The following OCRL variants were observed in gnomAD, a reference collection of about 807,000 sequenced individuals.
OCRL encodes the protein inositol polyphosphate 5-phosphatase OCRL.
A neutral mutation model predicts 78.9 loss-of-function variants in OCRL; 8 were observed. The ratio of observed to expected loss-of-function variants is 0.10; its 90% CI spans 0.06 to 0.18. The LOEUF is 0.18. Ranked by LOEUF, OCRL falls within the 10% of genes least tolerant of loss-of-function variation. The pLI is 1.00. For synonymous variants in OCRL, 240 were observed against 235.4 expected, an observed-to-expected ratio of 1.02 and a Z score of -0.18; for missense variants, 454 against 696.7, an observed-to-expected ratio of 0.65 and a Z score of 3.92.
intron 12 of OCRL, among the ~76,000 whole-genome samples, chrX:129,564,289 C>A (rs1162404535): frequency 7.3e-5 from 8 of 109,443 alleles, no homozygotes; most frequent in Non-Finnish European, 1.9e-5. Flanking sequence ...TAAACTAGTT[C>A]AACCCTTGTG....
At chrX:129,589,978 C>A (rs1166363141) in intron 23 of OCRL, 22 bp downstream of exon 23, 3 of 1,152,766 alleles carry the variant, frequency 2.6e-6, no homozygotes, top group Non-Finnish European at 3.6e-6. Context: ...TCATGCAACA[C>A]GGGGCGTTTG....
chrX:129,560,266 G>A (rs759209270), intron 8 of OCRL, among the ~76,000 whole-genome samples: 1 of 112,320 alleles, frequency 8.9e-6, no homozygotes, highest in African/African-American at 3.2e-5. Context: ...TTTGGATGGA[G>A]CTTAATTGAA....
At chrX:129,573,356 T>A (rs1442575089) in intron 15 of OCRL, among the ~76,000 whole-genome samples, 1 of 111,579 alleles carries the variant, frequency 9.0e-6, no homozygotes, top group East Asian at 2.8e-4. Flanking sequence ...GCATTAGCTA[T>A]TTAACCTTAA....
chrX:129,586,896 G>A, intron 19 of OCRL, 106 bp from the exon 20 acceptor site: 1 of 592,407 alleles, frequency 1.7e-6, no homozygotes, highest in African/African-American at 2.2e-5. Context: ...CTTAAGAGAT[G>A]AAGATCACAT....
intron 14 of OCRL, 67 bp downstream of exon 14, chrX:129,567,430 G>A: frequency 1.3e-6 from 1 of 791,777 alleles, no homozygotes; most frequent in South Asian, 2.2e-5. Context: ...CCTCCATATT[G>A]GTAAGGGGCT....
chrX:129,576,141 C>T, intron 17 of OCRL, 79 bp downstream of exon 17: 1 of 1,038,815 alleles, frequency 9.6e-7, no homozygotes, highest in South Asian at 1.9e-5. Flanking sequence ...TGTTTTCTAA[C>T]CACATGTCTC....
At chrX:129,568,931 A>G (rs1383363952) in intron 14 of OCRL, among the ~76,000 whole-genome samples, 2 of 112,883 alleles carry the variant, frequency 1.8e-5, no homozygotes, top group East Asian at 5.5e-4. Flanking sequence ...GGATATTTTA[A>G]GAACGTGCTA....
chrX:129,560,705 A>T, intron 9 of OCRL, 54 bp downstream of exon 9: 3 of 860,351 alleles, frequency 3.5e-6, no homozygotes, highest in Non-Finnish European at 5.2e-6. Context: ...GTTCATTTAC[A>T]TGATGTTTTG....
intron 15 of OCRL, among the ~76,000 whole-genome samples, chrX:129,571,635 C>A (rs769400554): frequency 4.5e-5 from 5 of 110,708 alleles, no homozygotes; most frequent in Admixed American, 3.8e-4. Flanking sequence ...CGCAGCCAAC[C>A]TTGGGATGTT....
In OCRL at chrX:129,560,605, C is replaced by T. The variant is rs766199686; in HGVS notation, c.778C>T (p.Pro260Ser). 3.3e-6 allele frequency: 4 copies of T among 1,203,160 alleles called. No homozygotes were observed. The highest frequency in any genetic ancestry group is 4.4e-5 in the Admixed American group (2 of 45,735). ...CCAGTCTCCAGATAGCGGGTTAGAA[C>T]CTTGGCTGAACTGTGATCCCAATCC... Reference protein sequence around the residue: ...NGQSPDSGLEPWLNCDPNPPD... With the variant: ...NGQSPDSGLESWLNCDPNPPD... The change falls in exon 9 of 24, where the codon CCT becomes TCT. Residue 260 changes from proline (P) to serine (S), a missense_variant. This residue lies in a region of OCRL where 277 missense variants were observed against 517.1 expected (regional missense o/e 0.54). Transcript: ENST00000371113.
intron 18 of OCRL, among the ~76,000 whole-genome samples, chrX:129,577,622 G>A (rs1158894832): frequency 9.0e-6 from 1 of 111,549 alleles, no homozygotes; most frequent in Non-Finnish European, 1.9e-5. Flanking sequence ...GCTTGTCTGA[G>A]TCCGATCTGT....
intron 4 of OCRL, among the ~76,000 whole-genome samples, chrX:129,554,103 G>A (rs1213934539): frequency 1.8e-5 from 2 of 108,782 alleles, no homozygotes; most frequent in Non-Finnish European, 3.8e-5. Context: ...AGGGGCTGAC[G>A]GATAGTAAGA....
In OCRL at chrX:129,566,588, G is replaced by T. The variant is rs1172334954; in HGVS notation, c.1357-666G>T. ...CTAAAAGTGAATGCTTCTTATTGAGGGAGGAAAATGTTTTGACTTCATTCG... is the reference window on the plus strand; with the variant it reads ...CTAAAAGTGAATGCTTCTTATTGAGTGAGGAAAATGTTTTGACTTCATTCG... On this transcript the variant is annotated intron_variant, in intron 13 of 23. Transcript: ENST00000371113. Among the ~76,000 whole-genome samples, 14 of 112,245 alleles carry T rather than the reference G, an allele frequency of 1.2e-4. No homozygotes were observed. In the Admixed American group the frequency reaches 1.3e-3, roughly 11 times the overall value.
At chrX:129,542,715 CAT>C (rs1935826330) in intron 2 of OCRL, among the ~76,000 whole-genome samples, 1 of 111,617 alleles carries the variant, frequency 9.0e-6, no homozygotes, top group Admixed American at 9.6e-5. Flanking sequence ...TCCTATGTAA[CAT>C]GTCTCAGAAT....
Position 129,540,287 on chromosome X carries a change from G to A in OCRL, c.-153G>A. 2 of 604,772 alleles carry A rather than the reference G, an allele frequency of 3.3e-6. No individual in the cohort carries two copies. Among genetic ancestry groups the A allele is most frequent in the Non-Finnish European group, 5.3e-6 (2 of 379,646 alleles). 49.8% of individuals were successfully genotyped at this position (604,772 alleles called of 1,213,427 possible). A position where few individuals can be genotyped will look rare whatever the true frequency, so the allele number is the denominator to read the frequency against. On this transcript the variant is annotated 5_prime_UTR_variant, in exon 1 of 24. Transcript: ENST00000371113. ...TCTTGGGTCAGATTCTCAGCTCCCA[G>A]CTCCCCGCTCCCGGCTCCCGGCGCC...
chrX:129,581,652 A>G (rs867479639), intron 18 of OCRL, among the ~76,000 whole-genome samples: 6 of 106,992 alleles, frequency 5.6e-5, no homozygotes, highest in Admixed American at 1.0e-4. Context: ...AAGTGTATGT[A>G]TATACCTTTT....
chrX:129,547,182 T>TTG (rs1163881733), intron 3 of OCRL, among the ~76,000 whole-genome samples: 1 of 111,032 alleles, frequency 9.0e-6, no homozygotes, highest in Non-Finnish European at 1.9e-5. Flanking sequence ...TGAGCTGTGA[T>TTG]TGTGCCACTG....
chrX:129,574,821 A>G (rs1936348077), intron 15 of OCRL, among the ~76,000 whole-genome samples: 1 of 112,576 alleles, frequency 8.9e-6, no homozygotes, highest in Non-Finnish European at 1.9e-5. Context: ...GACGTTAGCC[A>G]ATTAATCTTA....
chrX:129,578,447 G>GTT (rs3216400), intron 18 of OCRL, among the ~76,000 whole-genome samples: 20 of 92,906 alleles, frequency 2.2e-4, no homozygotes, highest in African/African-American at 6.9e-4. Context: ...TTTCCTTCTT[G>GTT]TTTTTTTTTT....
Sources: gnomAD v4.1 joint callset for allele counts (sites outside exome capture counted in the v4.1 genomes callset) on GRCh38, gnomAD v4.1.1 for gene constraint, gnomAD v4.1.1 regional missense constraint, MANE v1.5 for transcripts, NCBI Gene and HGNC (gene_info 2026-07-23, HGNC 2026-07-21) for gene names.